The following DLGAP2 variants were observed in gnomAD, a reference collection of about 807,000 sequenced individuals.
DLGAP2 encodes DLG associated protein 2.
A neutral mutation model predicts 100.3 loss-of-function variants in DLGAP2; 26 were observed. That is an observed-to-expected ratio of 0.26 (90% CI 0.19 to 0.36). The LOEUF is 0.36. Among genes scored for constraint, DLGAP2 ranks in the 10% least tolerant of loss-of-function variants. The pLI, the probability that DLGAP2 is intolerant of heterozygous loss-of-function variation, is 1.00. For missense variants in DLGAP2, 1,858 were observed against 1,453.2 expected, an observed-to-expected ratio of 1.28 and a Z score of -4.53; for synonymous variants, 886 against 630.1, an observed-to-expected ratio of 1.41 and a Z score of -6.08.
chr8:834,632 G>A (rs1796839461), intron 1 of DLGAP2, among the ~76,000 whole-genome samples: 1 of 152,108 alleles, frequency 6.6e-6, no homozygotes. Context: ...GCAAGAAAAG[G>A]AAACCTTCTG....
intron 4 of DLGAP2, among the ~76,000 whole-genome samples, chr8:1,503,066 C>T (rs544845020): frequency 2.0e-5 from 3 of 152,124 alleles, no homozygotes; most frequent in Non-Finnish European, 4.4e-5. Context: ...AAGTGAGCAT[C>T]GAGGGATGAG....
chr8:1,473,285 A>T (rs115290935), intron 3 of DLGAP2, among the ~76,000 whole-genome samples: 1 of 152,156 alleles, frequency 6.6e-6, no homozygotes, highest in African/African-American at 2.4e-5. Flanking sequence ...TAACCACCCA[A>T]TGCCCTTCAG....
At chr8:1,247,152 C>G (rs1798925686) in intron 2 of DLGAP2, 2 of 170,840 alleles carry the variant, frequency 1.2e-5, no homozygotes, top group South Asian at 2.0e-4. Context: ...GCCGGGAAGA[C>G]CTTTGAGATC....
intron 3 of DLGAP2, among the ~76,000 whole-genome samples, chr8:1,262,882 A>T (rs912253032): frequency 6.7e-6 from 1 of 148,340 alleles, no homozygotes; most frequent in Non-Finnish European, 1.5e-5. Flanking sequence ...GGGGCCACAG[A>T]TGTCAGTTCA....
At chr8:1,127,630 A>AT (rs927834107) in intron 2 of DLGAP2, among the ~76,000 whole-genome samples, 73 of 152,320 alleles carry the variant, frequency 4.8e-4, no homozygotes, top group Admixed American at 1.6e-3. Flanking sequence ...GCCTGAGGGC[A>AT]GCCCCAGGCC....
chr8:828,261 C>T (rs1796718487), intron 1 of DLGAP2, among the ~76,000 whole-genome samples: 1 of 152,130 alleles, frequency 6.6e-6, no homozygotes, highest in Admixed American at 6.5e-5. Flanking sequence ...AGCCTGGGAG[C>T]GCTATGGGAG....
intron 4 of DLGAP2, among the ~76,000 whole-genome samples, chr8:1,511,350 ACG>A (rs1800154253): frequency 6.8e-6 from 1 of 146,870 alleles, no homozygotes; most frequent in Non-Finnish European, 1.5e-5. Context: ...TCTTCCATGG[ACG>A]TAAGGGCTGT....
chr8:1,673,549 A>G (rs1798740773), intron 10 of DLGAP2, among the ~76,000 whole-genome samples: 1 of 152,216 alleles, frequency 6.6e-6, no homozygotes, highest in Non-Finnish European at 1.5e-5. Flanking sequence ...AGTTCATCAT[A>G]TGCGTGTGCC....
At chr8:1,324,470 C>T (rs530566166) in intron 3 of DLGAP2, among the ~76,000 whole-genome samples, 43 of 152,296 alleles carry the variant, frequency 2.8e-4, no homozygotes, top group Non-Finnish European at 4.3e-4. Flanking sequence ...AGCGTTCAAG[C>T]GACATGTTTC....
intron 4 of DLGAP2, among the ~76,000 whole-genome samples, chr8:1,505,211 A>T (rs1311681756): frequency 6.6e-6 from 1 of 152,210 alleles, no homozygotes; most frequent in Non-Finnish European, 1.5e-5. Flanking sequence ...TGGATCTATA[A>T]TTCTACTGGG....
At chr8:1,475,684 A>G (rs1377494343) in intron 3 of DLGAP2, among the ~76,000 whole-genome samples, 1 of 152,206 alleles carries the variant, frequency 6.6e-6, no homozygotes, top group African/African-American at 2.4e-5. Flanking sequence ...AGGAAGACAG[A>G]ACCCTCGCGT....
chr8:810,775 C>A (rs1475399989), intron 1 of DLGAP2, among the ~76,000 whole-genome samples: 1 of 152,186 alleles, frequency 6.6e-6, no homozygotes, highest in Non-Finnish European at 1.5e-5. Flanking sequence ...TGGCTGTTTT[C>A]CCACTATGCC....
chr8:867,165 A>G (rs551710771), intron 1 of DLGAP2, among the ~76,000 whole-genome samples: 1 of 152,334 alleles, frequency 6.6e-6, no homozygotes, highest in East Asian at 1.9e-4. Flanking sequence ...GAGTTCGTAA[A>G]TTAATGTTAT....
At chr8:1,195,947 T>C (rs1372971345) in intron 2 of DLGAP2, among the ~76,000 whole-genome samples, 10 of 152,218 alleles carry the variant, frequency 6.6e-5, no homozygotes, top group Non-Finnish European at 2.9e-5. Flanking sequence ...ACTTAATTAA[T>C]AGTTACCTCC....
intron 6 of DLGAP2, among the ~76,000 whole-genome samples, chr8:1,568,843 A>G (rs13274194): frequency 8.0e-4 from 52 of 64,698 alleles, no homozygotes; most frequent in Middle Eastern, 0.015. Flanking sequence ...GTCTCTGCCT[A>G]TGGCCCCCAT....
chr8:1,506,672 T>G (rs1157329953), intron 4 of DLGAP2, among the ~76,000 whole-genome samples: 1 of 152,240 alleles, frequency 6.6e-6, no homozygotes, highest in Non-Finnish European at 1.5e-5. Flanking sequence ...CACATCCTGC[T>G]GATTGGTCCA....
intron 2 of DLGAP2, among the ~76,000 whole-genome samples, chr8:1,217,747 G>C (rs549438834): frequency 1.3e-5 from 2 of 151,982 alleles, no homozygotes; most frequent in African/African-American, 2.4e-5. Flanking sequence ...TAAATTAAGC[G>C]TTATCTTTTC....
intron 3 of DLGAP2, among the ~76,000 whole-genome samples, chr8:1,298,813 G>C (rs1324220644): frequency 6.6e-6 from 1 of 152,156 alleles, no homozygotes. Flanking sequence ...ATATAACGCT[G>C]GCCGTGGCAG....
At chr8:1,700,698 G>A (rs1799541052) in intron 14 of DLGAP2, among the ~76,000 whole-genome samples, 1 of 152,204 alleles carries the variant, frequency 6.6e-6, no homozygotes, top group Non-Finnish European at 1.5e-5. Flanking sequence ...AATCGGGCCA[G>A]TGTTTCCCCG....
Sources: allele counts gnomAD v4.1 joint callset (sites outside exome capture counted in the v4.1 genomes callset), GRCh38; gene constraint gnomAD v4.1.1; transcripts MANE v1.5; gene names NCBI Gene and HGNC (gene_info 2026-07-23, HGNC 2026-07-21).